Variants in PTPRM observed in about 807,000 individuals in gnomAD.
PTPRM encodes the protein receptor-type tyrosine-protein phosphatase mu.
A neutral mutation model predicts 186.7 loss-of-function variants in PTPRM; 47 were observed. The ratio of observed to expected loss-of-function variants is 0.25; its 90% CI spans 0.20 to 0.32. PTPRM has a LOEUF of 0.32. Ranked by LOEUF, PTPRM falls within the 10% of genes least tolerant of loss-of-function variation. The pLI is 1.00. For missense variants in PTPRM, 1,494 were observed against 1,865.0 expected, an observed-to-expected ratio of 0.80 and a Z score of 3.66; for synonymous variants, 668 against 674.9, an observed-to-expected ratio of 0.99 and a Z score of 0.16.
chr18:7,603,326 T>C (rs2037453183), intron 1 of PTPRM, among the ~76,000 whole-genome samples: 1 of 152,256 alleles, frequency 6.6e-6, no homozygotes, highest in African/African-American at 2.4e-5. Context: ...TTGAGATTCA[T>C]TGCAAAACTG....
chr18:8,181,271 T>C (rs2093570255), intron 14 of PTPRM, among the ~76,000 whole-genome samples: 2 of 152,228 alleles, frequency 1.3e-5, no homozygotes, highest in Non-Finnish European at 2.9e-5. Context: ...TCTCCAAGTG[T>C]ACCCCGTCTT....
intron 7 of PTPRM, among the ~76,000 whole-genome samples, chr18:8,010,499 T>C (rs2084461213): frequency 6.6e-6 from 1 of 152,212 alleles, no homozygotes; most frequent in South Asian, 2.1e-4. Context: ...ACCTTGTCCA[T>C]TCTGAAAGAC....
At chr18:8,401,065 G>A (rs2095869816) in intron 32 of PTPRM, among the ~76,000 whole-genome samples, 1 of 149,430 alleles carries the variant, frequency 6.7e-6, no homozygotes, top group South Asian at 2.1e-4. Context: ...GATTCCACTT[G>A]CCCATCCTGC....
chr18:8,112,603 T>G (rs2145698926), intron 11 of PTPRM, among the ~76,000 whole-genome samples: 1 of 152,312 alleles, frequency 6.6e-6, no homozygotes, highest in Admixed American at 6.5e-5. Flanking sequence ...ATGAGAAAGG[T>G]TTTTTTCCAA....
intron 1 of PTPRM, among the ~76,000 whole-genome samples, chr18:7,752,989 TG>T (rs2041293846): frequency 6.6e-6 from 1 of 152,058 alleles, no homozygotes; most frequent in Non-Finnish European, 1.5e-5. Context: ...TTTAATGATT[TG>T]GGGGGAGGGG....
intron 14 of PTPRM, among the ~76,000 whole-genome samples, chr18:8,213,255 C>G (rs896800787): frequency 6.6e-6 from 1 of 152,126 alleles, no homozygotes; most frequent in Non-Finnish European, 1.5e-5. Context: ...AACAGCATGA[C>G]CTTGATATGG....
At chr18:8,096,832 C>A (rs1313043358) in intron 11 of PTPRM, among the ~76,000 whole-genome samples, 1 of 152,182 alleles carries the variant, frequency 6.6e-6, no homozygotes, top group Non-Finnish European at 1.5e-5. Flanking sequence ...CTATAGATGC[C>A]TCACTTTCAC....
intron 13 of PTPRM, among the ~76,000 whole-genome samples, chr18:8,132,962 C>T (rs953002688): frequency 6.6e-6 from 1 of 152,066 alleles, no homozygotes; most frequent in Non-Finnish European, 1.5e-5. Flanking sequence ...CATTTATAAA[C>T]AATAAAAATT....
At chr18:8,155,740 A>C (rs1476622555) in intron 14 of PTPRM, among the ~76,000 whole-genome samples, 2 of 152,214 alleles carry the variant, frequency 1.3e-5, no homozygotes, top group Admixed American at 6.5e-5. Flanking sequence ...ATGCAGCCGG[A>C]GGCAAGTTGA....
Position 7,670,178 on chromosome 18 carries a change from A to AT in PTPRM, c.73+102287_73+102288insT, listed in dbSNP as rs547025104. On this transcript the variant is annotated intron_variant, in intron 1 of 32. Coordinates refer to ENST00000580170, the MANE Select transcript of PTPRM (RefSeq NM_001105244.2). ...ATAAAATTTACTAATGAGATATTTT[A>AT]CCTTTTTTTCATGAAGCTTTCAAAA... Among the ~76,000 whole-genome samples the AT allele has an allele frequency of 4.6e-3, 606 of 131,116 alleles. 5 individuals are homozygous for AT. Among genetic ancestry groups the AT allele is most frequent in the African/African-American group, 0.023 (583 of 25,776 alleles). The allele number at this position is 131,116 out of a possible 152,430, so 86.0% of individuals were successfully genotyped here. A position where few individuals can be genotyped will look rare whatever the true frequency, so the allele number is the denominator to read the frequency against.
At chr18:8,279,227 A>G (rs1046643603) in intron 19 of PTPRM, among the ~76,000 whole-genome samples, 4 of 152,174 alleles carry the variant, frequency 2.6e-5, no homozygotes, top group African/African-American at 9.7e-5. Flanking sequence ...ATGATGTAAT[A>G]ATGACCTCTA....
chr18:7,787,629 C>T (rs370853240), intron 2 of PTPRM, among the ~76,000 whole-genome samples: 1 of 152,160 alleles, frequency 6.6e-6, no homozygotes, highest in African/African-American at 2.4e-5. Flanking sequence ...TTCCCTTGCC[C>T]CTCACACATT....
intron 31 of PTPRM, among the ~76,000 whole-genome samples, chr18:8,390,742 C>T (rs1283020590): frequency 6.6e-6 from 1 of 152,038 alleles, no homozygotes; most frequent in African/African-American, 2.4e-5. Context: ...TCCTGGCTAA[C>T]ACGGTGAAAC....
chr18:7,605,607 G>A (rs532135916), intron 1 of PTPRM, among the ~76,000 whole-genome samples: 1 of 152,258 alleles, frequency 6.6e-6, no homozygotes, highest in South Asian at 2.1e-4. Context: ...TTATTTTAAG[G>A]ATTATTTCCT....
chr18:7,707,824 G>C (rs1010347909), intron 1 of PTPRM, among the ~76,000 whole-genome samples: 8 of 152,256 alleles, frequency 5.3e-5, no homozygotes, highest in Admixed American at 6.5e-5. Context: ...AAAACACTCA[G>C]CCTCCTTGAG....
At chr18:7,780,725 A>G (rs1253923812) in intron 2 of PTPRM, among the ~76,000 whole-genome samples, 1 of 152,188 alleles carries the variant, frequency 6.6e-6, no homozygotes, top group Non-Finnish European at 1.5e-5. Context: ...TAGAAAATAG[A>G]CTGTCATGGT....
chr18:8,272,936 A>T (rs1396401743), intron 19 of PTPRM, among the ~76,000 whole-genome samples: 1 of 152,178 alleles, frequency 6.6e-6, no homozygotes. Flanking sequence ...AGTGAATTTA[A>T]CATTTTATCA....
intron 15 of PTPRM, among the ~76,000 whole-genome samples, chr18:8,246,953 G>A (rs550696318): frequency 6.6e-6 from 1 of 152,268 alleles, no homozygotes; most frequent in South Asian, 2.1e-4. Flanking sequence ...TTAGTGTCCT[G>A]ATGAGGAACT....
intron 1 of PTPRM, among the ~76,000 whole-genome samples, chr18:7,756,173 G>T (rs2041479515): frequency 6.6e-6 from 1 of 152,160 alleles, no homozygotes; most frequent in Admixed American, 6.5e-5. Flanking sequence ...CTTGCCTTGT[G>T]TCTGTTTTCT....
Sources: gnomAD v4.1 joint callset for allele counts (sites outside exome capture counted in the v4.1 genomes callset) on GRCh38, gnomAD v4.1.1 for gene constraint, MANE v1.5 for transcripts, NCBI Gene and HGNC (gene_info 2026-07-23, HGNC 2026-07-21) for gene names.